PATJ: variants seen among roughly 807,000 people sequenced by gnomAD.
PATJ encodes the protein inaD-like protein.
PATJ carries 190 observed loss-of-function variants against 224.9 expected under a neutral mutation model. That is an observed-to-expected ratio of 0.84 (90% confidence interval 0.75 to 0.95). PATJ has a LOEUF of 0.95. PATJ is among the 40% of genes least tolerant of loss of function. PATJ has a pLI of 0.00. For missense variants in PATJ, 2,121 were observed against 2,270.3 expected, an observed-to-expected ratio of 0.93 and a Z score of 1.34; for synonymous variants, 769 against 820.3, an observed-to-expected ratio of 0.94 and a Z score of 1.07.
chr1:61,853,356 T>C (rs952045957), intron 17 of PATJ, among the ~76,000 whole-genome samples: 1 of 152,194 alleles, frequency 6.6e-6, no homozygotes, highest in African/African-American at 2.4e-5. Flanking sequence ...TTTTAAATTT[T>C]GGTGTTATCT....
rs1389934687 is a variant in PATJ at position 62,017,842 on chromosome 1, T to G, written c.3868-14T>G. The G allele has an allele frequency of 6.6e-7, 1 of 1,513,848 alleles. No homozygotes were observed. The highest frequency in any genetic ancestry group is 9.2e-7 in the Non-Finnish European group (1 of 1,089,752). 93.8% of individuals were successfully genotyped at this position (1,513,848 alleles called of 1,614,324 possible). ...ACATGTATAATTTAGTACATTGTGG[T>G]TTTTCCCAAACAGATAAACAATCAG... On this transcript the variant is annotated splice_polypyrimidine_tract_variant and intron_variant, in intron 28 of 43. Coordinates refer to ENST00000642238, the MANE Select transcript of PATJ (RefSeq NM_001350145.3).
intron 3 of PATJ, among the ~76,000 whole-genome samples, chr1:61,764,751 T>C (rs1324612547): frequency 6.6e-6 from 1 of 152,176 alleles, no homozygotes; most frequent in Non-Finnish European, 1.5e-5. Flanking sequence ...TTTCTGTGAA[T>C]TGCTTTCTTT....
At chr1:61,879,027 G>A (rs1163559761) in intron 21 of PATJ, among the ~76,000 whole-genome samples, 2 of 151,976 alleles carry the variant, frequency 1.3e-5, no homozygotes, top group Non-Finnish European at 2.9e-5. Flanking sequence ...CTCATGATCC[G>A]CCCACCTTGG....
intron 27 of PATJ, among the ~76,000 whole-genome samples, chr1:61,932,316 C>A (rs577533917): frequency 6.6e-6 from 1 of 152,134 alleles, no homozygotes; most frequent in Non-Finnish European, 1.5e-5. Context: ...AACCACTGAT[C>A]GAAATGGTCT....
intron 31 of PATJ, among the ~76,000 whole-genome samples, chr1:62,066,389 T>G (rs1656430165): frequency 7.1e-6 from 1 of 140,046 alleles, no homozygotes; most frequent in Non-Finnish European, 1.5e-5. Flanking sequence ...TGTGGGAACT[T>G]TTTTTTTTTT....
intron 34 of PATJ, among the ~76,000 whole-genome samples, chr1:62,112,312 C>T (rs1338169900): frequency 6.6e-6 from 1 of 152,054 alleles, no homozygotes; most frequent in African/African-American, 2.4e-5. Flanking sequence ...TCAAGACCAG[C>T]CTGGCCAACA....
At chr1:61,893,496 T>C (rs1197859339) in intron 22 of PATJ, among the ~76,000 whole-genome samples, 2 of 151,690 alleles carry the variant, frequency 1.3e-5, no homozygotes, top group Non-Finnish European at 2.9e-5. Context: ...TTTTTTTTTT[T>C]TTTTCGCCAA....
intron 43 of PATJ, among the ~76,000 whole-genome samples, chr1:62,155,124 C>G (rs1669049498): frequency 6.6e-6 from 1 of 152,148 alleles, no homozygotes; most frequent in Admixed American, 6.5e-5. Context: ...TTGAAATAGC[C>G]AGCTATGTAG....
chr1:61,953,115 G>A (rs1343239626), intron 27 of PATJ, among the ~76,000 whole-genome samples: 4 of 151,992 alleles, frequency 2.6e-5, no homozygotes, highest in Non-Finnish European at 5.9e-5. Flanking sequence ...TGCTACATTG[G>A]CCATATAATT....
intron 14 of PATJ, among the ~76,000 whole-genome samples, chr1:61,822,024 A>C (rs1657375034): frequency 6.6e-6 from 1 of 152,218 alleles, no homozygotes; most frequent in Non-Finnish European, 1.5e-5. Context: ...GCCTTTCCCA[A>C]ATCGGAAATG....
At chr1:62,107,760 A>G (rs540967026) in intron 33 of PATJ, among the ~76,000 whole-genome samples, 7 of 152,198 alleles carry the variant, frequency 4.6e-5, no homozygotes, top group Non-Finnish European at 7.3e-5. Flanking sequence ...CTGAAGAGAT[A>G]CAAATTATTT....
intron 30 of PATJ, among the ~76,000 whole-genome samples, 156 bp from the exon 31 acceptor site, chr1:62,050,810 C>A (rs1353505339): frequency 6.6e-6 from 1 of 152,198 alleles, no homozygotes; most frequent in East Asian, 1.9e-4. Flanking sequence ...ACAAAACAGT[C>A]TTCTGCTAGA....
chr1:61,804,280 A>G (rs1653096290), intron 12 of PATJ, among the ~76,000 whole-genome samples: 1 of 152,198 alleles, frequency 6.6e-6, no homozygotes, highest in African/African-American at 2.4e-5. Context: ...ATCTTTGGTT[A>G]GTTATCACCT....
At chr1:61,791,747 G>A (rs535762274) in intron 9 of PATJ, among the ~76,000 whole-genome samples, 21 of 152,030 alleles carry the variant, frequency 1.4e-4, no homozygotes, top group Admixed American at 4.6e-4. Flanking sequence ...AACATATTAT[G>A]ATAGATTAGA....
chr1:61,982,865 T>G (rs1028269102), intron 27 of PATJ, among the ~76,000 whole-genome samples: 1 of 152,038 alleles, frequency 6.6e-6, no homozygotes, highest in African/African-American at 2.4e-5. Context: ...CTTCAAGTAT[T>G]AGGTTGGTGC....
intron 30 of PATJ, among the ~76,000 whole-genome samples, chr1:62,046,200 G>C (rs1349167194): frequency 1.0e-5 from 1 of 96,984 alleles, no homozygotes; most frequent in Non-Finnish European, 1.8e-5. Flanking sequence ...AGATGGTGAA[G>C]AAAAAAGAAA....
At chr1:61,927,539 CCACAGAGT>C (rs1675388372) in intron 26 of PATJ, among the ~76,000 whole-genome samples, 183 bp from the exon 27 acceptor site, 1 of 152,124 alleles carries the variant, frequency 6.6e-6, no homozygotes, top group Non-Finnish European at 1.5e-5. Flanking sequence ...TGTGTTTATA[CCACAGAGT>C]CACTTTTATA....
chr1:62,005,751 A>C lies in PATJ; in HGVS notation c.3868-12105A>C, dbSNP rs1170030672. 3.9e-5 allele frequency among the ~76,000 whole-genome samples: 6 copies of C among 152,216 alleles called. No homozygotes were observed. The East Asian group carries it at 1.2e-3, about 29-fold the overall frequency. Reference sequence around the variant, plus strand: ...ACTGCACTCCAGCCTGGACAACAGAACAAGACCCTGCCTCTTTAAAAAAAA... The same window carrying C: ...ACTGCACTCCAGCCTGGACAACAGACCAAGACCCTGCCTCTTTAAAAAAAA... On this transcript the variant is annotated intron_variant, in intron 28 of 43. Transcript: ENST00000642238.
chr1:61,791,468 T>A lies in PATJ; in HGVS notation c.1168+21T>A, dbSNP rs765789179. ...TACAGGTAAATGAATCATTTCTATT[T>A]TATATTTGGAAATTGTAAAGGATGT... On this transcript the variant is annotated intron_variant, in intron 9 of 43. Transcript: ENST00000642238. The A allele has an allele frequency of 4.2e-6, 6 of 1,414,762 alleles. No homozygotes were observed. The South Asian group carries it at 7.1e-5, about 17-fold the overall frequency. 87.6% of individuals were successfully genotyped at this position (1,414,762 alleles called of 1,614,324 possible).
Sources: allele counts gnomAD v4.1 joint callset (sites outside exome capture counted in the v4.1 genomes callset), GRCh38; gene constraint gnomAD v4.1.1; transcripts MANE v1.5; gene names NCBI Gene and HGNC (gene_info 2026-07-23, HGNC 2026-07-21).